ZNF536: variants seen among roughly 807,000 people sequenced by gnomAD.
ZNF536 encodes zinc finger protein 536.
In ZNF536, 13 loss-of-function variants were observed where a neutral mutation model predicts 84.5. That is an observed-to-expected ratio of 0.15 (90% confidence interval 0.10 to 0.24). The LOEUF is 0.24. Ranked by LOEUF, ZNF536 falls within the 10% of genes least tolerant of loss-of-function variation. The pLI, the probability that ZNF536 is intolerant of heterozygous loss-of-function variation, is 1.00. For missense variants in ZNF536, 1,536 were observed against 1,747.5 expected, an observed-to-expected ratio of 0.88 and a Z score of 2.16; for synonymous variants, 811 against 742.5, an observed-to-expected ratio of 1.09 and a Z score of -1.50.
At chr19:30,259,861 C>A (rs1326875242) in intron 1 of ZNF536, among the ~76,000 whole-genome samples, 4 of 151,984 alleles carry the variant, frequency 2.6e-5, no homozygotes, top group African/African-American at 9.7e-5. Context: ...CAGCAATTCT[C>A]TTGCCTCAGG....
At position 30,530,654 on chromosome 19, in the gene ZNF536, C is replaced by T. The variant is rs573878719; in HGVS notation, c.2171-4193C>T. ...GAGCCACCATGCCCAGCCAATACCT[C>T]TGTCTTTCTACTGCCTGCTTCCTGG... On this transcript the variant is annotated intron_variant, in intron 2 of 4. Transcript: ENST00000355537. 5.3e-5 allele frequency among the ~76,000 whole-genome samples: 8 copies of T among 152,274 alleles called. No individual in the cohort carries two copies. In the South Asian group the frequency reaches 1.0e-3, roughly 20 times the overall value.
At chr19:30,586,055 G>C (rs2047084006) in intron 1 of ZNF536, among the ~76,000 whole-genome samples, 1 of 152,188 alleles carries the variant, frequency 6.6e-6, no homozygotes, top group African/African-American at 2.4e-5. Flanking sequence ...CCCTCCTGGA[G>C]CTTACACTTA....
At chr19:30,502,600 C>T (rs1426149734) in intron 2 of ZNF536, among the ~76,000 whole-genome samples, 2 of 152,092 alleles carry the variant, frequency 1.3e-5, no homozygotes, top group Non-Finnish European at 2.9e-5. Flanking sequence ...TCAACCTGGA[C>T]ATTTAAGCAA....
At chr19:30,450,626 T>C (rs1261512636) in intron 2 of ZNF536, among the ~76,000 whole-genome samples, 1 of 152,198 alleles carries the variant, frequency 6.6e-6, no homozygotes, top group African/African-American at 2.4e-5. Flanking sequence ...CCCTCTTAGA[T>C]AGCCTCCTTC....
rs992367927 is a variant in ZNF536 at position 30,445,170 on chromosome 19, C to T, written c.1608C>T (p.Gly536=). The change falls in exon 2 of 5, where the codon GGC becomes GGT. Residue 536 remains glycine, a synonymous_variant. Coordinates refer to ENST00000355537, the MANE Select transcript of ZNF536 (RefSeq NM_014717.3). The surrounding 1 kb of genome is among the most constrained non-coding windows in gnomAD (Gnocchi z 4.5). ...LMARGMAMEH[G]FLSKEHPLQR... ...CCAGGGGCATGGCCATGGAACATGG[C>T]TTCTTGTCTAAAGAGCATCCGCTGC... is the stretch of plus-strand genomic sequence containing the variant. 5.0e-6 allele frequency: 8 copies of T among 1,614,018 alleles called. No homozygotes were observed. Among genetic ancestry groups the T allele is most frequent in the African/African-American group, 4.0e-5 (3 of 74,932 alleles).
chr19:30,421,319 G>A (rs942596406), intron 1 of ZNF536, among the ~76,000 whole-genome samples: 7 of 152,194 alleles, frequency 4.6e-5, no homozygotes, highest in African/African-American at 1.7e-4. Flanking sequence ...TAAAGGAAGA[G>A]CTGAGTGACA....
intron 1 of ZNF536, among the ~76,000 whole-genome samples, chr19:30,582,053 G>C (rs1779710282): frequency 6.6e-6 from 1 of 152,190 alleles, no homozygotes; most frequent in South Asian, 2.1e-4. Context: ...AAAAAGAGAG[G>C]TGAGGGTCCG....
chr19:30,504,887 A>G (rs2055103300), intron 2 of ZNF536, among the ~76,000 whole-genome samples: 1 of 152,154 alleles, frequency 6.6e-6, no homozygotes, highest in South Asian at 2.1e-4. Flanking sequence ...AAGAACACAC[A>G]GTTTCCAGAG....
chr19:30,361,448 T>C (rs1231768610), intron 3 of ZNF536, among the ~76,000 whole-genome samples: 1 of 152,160 alleles, frequency 6.6e-6, no homozygotes, highest in Non-Finnish European at 1.5e-5. Flanking sequence ...GCTTGATTAC[T>C]TTATGGAGCT....
chr19:30,597,054 C>T (rs2047491538), intron 1 of ZNF536, among the ~76,000 whole-genome samples: 1 of 152,136 alleles, frequency 6.6e-6, no homozygotes, highest in Non-Finnish European at 1.5e-5. Context: ...GGGAACCTTT[C>T]AATTGTTACT....
chr19:30,560,119 G>A (rs1240174834), downstream of ZNF536, among the ~76,000 whole-genome samples: 2 of 151,900 alleles, frequency 1.3e-5, no homozygotes, highest in African/African-American at 2.4e-5. Flanking sequence ...GGAATATCCC[G>A]TCTTCTGCCT....
At chr19:30,256,771 C>T (rs1162755729) in intron 1 of ZNF536, among the ~76,000 whole-genome samples, 1 of 152,080 alleles carries the variant, frequency 6.6e-6, no homozygotes, top group African/African-American at 2.4e-5. Context: ...TTGGGGCTGT[C>T]CTTTTTGAAG....
At chr19:30,266,856 G>A (rs901866992) in intron 1 of ZNF536, among the ~76,000 whole-genome samples, 3 of 151,892 alleles carry the variant, frequency 2.0e-5, no homozygotes, top group African/African-American at 7.3e-5. Context: ...ACACACACAC[G>A]CACTCACACA....
At chr19:30,422,423 G>C (rs1318841692) in intron 1 of ZNF536, among the ~76,000 whole-genome samples, 1 of 152,126 alleles carries the variant, frequency 6.6e-6, no homozygotes, top group Non-Finnish European at 1.5e-5. Flanking sequence ...CCAAGAAAAA[G>C]GTTACTAGAT....
chr19:30,444,895 G>A lies in ZNF536; in HGVS notation c.1333G>A (p.Gly445Ser), dbSNP rs150120798. The A allele has an allele frequency of 2.7e-5, 44 of 1,611,374 alleles. No individual in the cohort carries two copies. Among genetic ancestry groups the A allele is most frequent in the Non-Finnish European group, 3.3e-5 (39 of 1,178,976 alleles). The change falls in exon 2 of 5, where the codon GGC becomes AGC. Residue 445 changes from glycine (G) to serine (S), a missense_variant. By Grantham distance (56) the Gly-to-Ser change is moderately conservative. Transcript: ENST00000355537. ...QSGFMTPDKAGLSEPSQLYGK... is the reference protein window; with the variant it reads ...QSGFMTPDKASLSEPSQLYGK... ...TGGCTTCATGACCCCGGACAAAGCC[G>A]GCCTGAGCGAGCCCAGCCAGCTCTA...
chr19:30,240,394 A>C (rs1335685558), intron 1 of ZNF536, among the ~76,000 whole-genome samples: 3 of 151,248 alleles, frequency 2.0e-5, no homozygotes, highest in Non-Finnish European at 4.4e-5. Flanking sequence ...AAATCCAAGG[A>C]ACTGGCTTTG....
At chr19:30,450,650 T>A (rs33434) in intron 2 of ZNF536, among the ~76,000 whole-genome samples, 111,187 of 152,118 alleles carry the variant, frequency 0.73, 41,532 homozygotes, top group African/African-American at 0.88. Flanking sequence ...GTTATATATT[T>A]AAAAAATCAT....
intron 1 of ZNF536, among the ~76,000 whole-genome samples, chr19:30,431,992 C>CATATAT (rs561025363): frequency 6.9e-6 from 1 of 144,606 alleles, no homozygotes. Context: ...TCATTAAAAG[C>CATATAT]ATATATATAT....
Position 30,245,459 on chromosome 19 carries a change from A to T in ZNF536, c.-190+16786A>T, listed in dbSNP as rs184940741. Reference sequence around the variant, plus strand: ...TGCAAATGGCAGTCCATTAATAAATATGTTTTGTAAGAATGTTACTTTCCT... The same window carrying T: ...TGCAAATGGCAGTCCATTAATAAATTTGTTTTGTAAGAATGTTACTTTCCT... On this transcript the variant is annotated intron_variant, in intron 1 of 5. Coordinates refer to the ZNF536 transcript ENST00000585628. 1.6e-4 allele frequency among the ~76,000 whole-genome samples: 25 copies of T among 152,300 alleles called. No individual in the cohort carries two copies. The East Asian group carries it at 4.8e-3, about 29-fold the overall frequency.
Sources: allele counts gnomAD v4.1 joint callset (sites outside exome capture counted in the v4.1 genomes callset), GRCh38; gene constraint gnomAD v4.1.1; non-coding constraint Gnocchi (gnomAD v3.1); transcripts MANE v1.5; gene names NCBI Gene and HGNC (gene_info 2026-07-23, HGNC 2026-07-21).